TNFRSF11A: variants seen among roughly 807,000 people sequenced by gnomAD.
The protein encoded by TNFRSF11A is TNF receptor superfamily member 11a.
In TNFRSF11A, 32 loss-of-function variants were observed where a neutral mutation model predicts 55.7. The observed-to-expected ratio is 0.57, with a 90% CI of 0.43 to 0.77. The LOEUF is 0.77. Among genes scored for constraint, TNFRSF11A ranks in the 30% least tolerant of loss-of-function variants. TNFRSF11A has a pLI of 0.00. For missense variants in TNFRSF11A, 753 were observed against 809.8 expected, an observed-to-expected ratio of 0.93 and a Z score of 0.85; for synonymous variants, 311 against 331.0, an observed-to-expected ratio of 0.94 and a Z score of 0.65.
At chr18:62,358,501 A>G (rs1399729482) in intron 5 of TNFRSF11A, among the ~76,000 whole-genome samples, 160 bp downstream of exon 5, 1 of 152,220 alleles carries the variant, frequency 6.6e-6, no homozygotes, top group Non-Finnish European at 1.5e-5. Flanking sequence ...CCTGGGGAAA[A>G]TAAACCAGTC....
intron 6 of TNFRSF11A, among the ~76,000 whole-genome samples, chr18:62,360,570 C>T (rs1324743389): frequency 6.6e-6 from 1 of 152,048 alleles, no homozygotes; most frequent in Non-Finnish European, 1.5e-5. Flanking sequence ...CCTCAGCCTC[C>T]TGAGTAGCTG....
intron 5 of TNFRSF11A, among the ~76,000 whole-genome samples, chr18:62,359,356 C>G (rs774715841): frequency 1.3e-5 from 2 of 152,150 alleles, no homozygotes; most frequent in African/African-American, 2.4e-5. Context: ...TGTCACTTAA[C>G]CATGTAATTG....
At chr18:62,363,471 C>T (rs1287399459) in intron 7 of TNFRSF11A, among the ~76,000 whole-genome samples, 2 of 147,080 alleles carry the variant, frequency 1.4e-5, no homozygotes, top group Non-Finnish European at 3.0e-5. Context: ...TGGGTTGCAG[C>T]GATTCTCCTC....
intron 1 of TNFRSF11A, among the ~76,000 whole-genome samples, chr18:62,337,433 A>G (rs1467591127): frequency 1.3e-5 from 2 of 152,220 alleles, no homozygotes; most frequent in Non-Finnish European, 2.9e-5. Flanking sequence ...GGTGTATATT[A>G]ACTCACAATG....
At chr18:62,340,509 C>G (rs2046296956) in intron 1 of TNFRSF11A, among the ~76,000 whole-genome samples, 1 of 150,178 alleles carries the variant, frequency 6.7e-6, no homozygotes, top group African/African-American at 2.4e-5. Flanking sequence ...TTTTTTTAAT[C>G]AATTATAATA....
rs768803975 is a variant in TNFRSF11A at position 62,354,532 on chromosome 18, C to T, written c.425C>T (p.Pro142Leu). 1 of 1,602,738 alleles carries T rather than the reference C, an allele frequency of 6.2e-7. No homozygotes were observed. Among genetic ancestry groups the T allele is most frequent in the Non-Finnish European group, 8.5e-7 (1 of 1,179,440 alleles). ...ECAPGLGAQH[P>L]LQLNKDTVCK... The stretch of plus-strand genomic sequence containing the variant: ...GCGCCGGGCCTGGGCGCCCAGCACC[C>T]GTGTACGGGTTGGATGTGTGCGTCT... Residue 142 changes from proline (P) to leucine (L), a missense_variant and splice_region_variant, in exon 4 of 10, where the codon CCG becomes CTG. Pro to Leu is a moderately conservative substitution (Grantham distance 98, BLOSUM62 -3). This residue lies in a region of TNFRSF11A where 30 missense variants were observed against 58.0 expected (regional missense o/e 0.52). Coordinates refer to ENST00000586569, the MANE Select transcript of TNFRSF11A (RefSeq NM_003839.4).
chr18:62,364,539 A>T (rs1600399130), intron 7 of TNFRSF11A, among the ~76,000 whole-genome samples: 1 of 152,166 alleles, frequency 6.6e-6, no homozygotes. Flanking sequence ...CTGCATGTTT[A>T]TCAGCTCCGT....
At chr18:62,373,040 T>C (rs1013388189) in intron 9 of TNFRSF11A, 1 of 152,206 alleles carries the variant, frequency 6.6e-6, no homozygotes, top group Non-Finnish European at 1.5e-5. Context: ...ATCCAGGCCT[T>C]CCACAGTCTG....
intron 7 of TNFRSF11A, among the ~76,000 whole-genome samples, chr18:62,362,490 C>CAAAA (rs57219485): frequency 5.1e-4 from 39 of 75,836 alleles, no homozygotes; most frequent in Admixed American, 1.2e-3. Context: ...AACTTCATCT[C>CAAAA]AAAAAAAAAA....
Position 62,386,200 on chromosome 18 carries a change from A to T in TNFRSF11A, c.*1166A>T, listed in dbSNP as rs1911720244. The T allele has an allele frequency of 2.0e-5, 3 of 152,162 alleles. No homozygotes were observed. The highest frequency in any genetic ancestry group is 4.8e-5 in the African/African-American group (2 of 41,434). 9.4% of individuals were successfully genotyped at this position (152,162 alleles called of 1,614,324 possible). ...GGTCTCTCTGGAAAAGATGGAGAAA[A>T]TGAACAGGACATGGGGCTCCTGGAA... On this transcript the variant is annotated 3_prime_UTR_variant, in exon 10 of 10. Coordinates refer to ENST00000586569, the MANE Select transcript of TNFRSF11A (RefSeq NM_003839.4).
intron 9 of TNFRSF11A, among the ~76,000 whole-genome samples, chr18:62,379,510 C>T (rs1374273336): frequency 1.3e-5 from 2 of 152,122 alleles, no homozygotes; most frequent in Non-Finnish European, 2.9e-5. Flanking sequence ...CTACTGAATA[C>T]TTTGGGATGA....
Position 62,387,625 on chromosome 18 carries a change from T to C in TNFRSF11A, c.*2591T>C, listed in dbSNP as rs921501554. The stretch of plus-strand genomic sequence containing the variant: ...ATGCTGTTGATTTCACAAAAATTTA[T>C]TAAAATACAGCCTGGGTACCCAGTG... On this transcript the variant is annotated 3_prime_UTR_variant, in exon 10 of 10. Transcript: ENST00000586569. 4 of 152,188 alleles carry C rather than the reference T, an allele frequency of 2.6e-5. No homozygotes were observed. Among genetic ancestry groups the C allele is most frequent in the Non-Finnish European group, 4.4e-5 (3 of 68,036 alleles). The allele number at this position is 152,188 out of a possible 1,614,324, so 9.4% of individuals were successfully genotyped here.
At chr18:62,345,632 A>T (rs1251332969) in intron 1 of TNFRSF11A, among the ~76,000 whole-genome samples, 1 of 152,186 alleles carries the variant, frequency 6.6e-6, no homozygotes, top group Non-Finnish European at 1.5e-5. Flanking sequence ...CAGGAATTAG[A>T]TAGCCGCGAT....
intron 7 of TNFRSF11A, among the ~76,000 whole-genome samples, chr18:62,365,744 G>A (rs1432610887): frequency 1.2e-4 from 19 of 152,216 alleles, no homozygotes; most frequent in Admixed American, 1.2e-3. Context: ...GCTTTGCATA[G>A]AACAGGAAGT....
chr18:62,334,703 T>G (rs1467254031), intron 1 of TNFRSF11A, among the ~76,000 whole-genome samples: 1 of 152,252 alleles, frequency 6.6e-6, no homozygotes, highest in Non-Finnish European at 1.5e-5. Context: ...AATCATTTTC[T>G]ATTACTAACT....
chr18:62,355,526 C>G (rs1909193383), intron 4 of TNFRSF11A, among the ~76,000 whole-genome samples: 1 of 152,202 alleles, frequency 6.6e-6, no homozygotes, highest in African/African-American at 2.4e-5. Flanking sequence ...ATCTGCCCAC[C>G]TCGGCCTCCC....
At chr18:62,353,084 T>G (rs2046497235) in intron 3 of TNFRSF11A, among the ~76,000 whole-genome samples, 1 of 152,172 alleles carries the variant, frequency 6.6e-6, no homozygotes, top group Non-Finnish European at 1.5e-5. Flanking sequence ...ACTGTGGTTA[T>G]GCACAGTAGT....
chr18:62,361,924 T>G, intron 7 of TNFRSF11A, 131 bp downstream of exon 7: 1 of 859,070 alleles, frequency 1.2e-6, no homozygotes, highest in Non-Finnish European at 1.9e-6. Context: ...AAACACGTTT[T>G]ATCATTCTCT....
At chr18:62,342,025 T>C (rs2046318711) in intron 1 of TNFRSF11A, among the ~76,000 whole-genome samples, 1 of 151,904 alleles carries the variant, frequency 6.6e-6, no homozygotes, top group Non-Finnish European at 1.5e-5. Context: ...GGCTACTTCA[T>C]ACTCTTGTCA....
Sources: gnomAD v4.1 joint callset for allele counts (sites outside exome capture counted in the v4.1 genomes callset) on GRCh38, gnomAD v4.1.1 for gene constraint, gnomAD v4.1.1 regional missense constraint, MANE v1.5 for transcripts, NCBI Gene and HGNC (gene_info 2026-07-23, HGNC 2026-07-21) for gene names.